The following MSH3 variants were observed in gnomAD, a reference collection of about 807,000 sequenced individuals.
The protein encoded by MSH3 is DNA mismatch repair protein Msh3.
Under a neutral mutation model 123.3 loss-of-function variants are expected in MSH3, and 106 were observed. That is an observed-to-expected ratio of 0.86 (90% confidence interval 0.73 to 1.01). MSH3 has a LOEUF of 1.01. MSH3 is among the 50% of genes least tolerant of loss of function. The probability of loss-of-function intolerance (pLI) is 0.00; values close to 1 mark genes in which losing one functional copy is unlikely to be tolerated. For synonymous variants in MSH3, 515 were observed against 481.4 expected (o/e 1.07, Z -0.91); for missense variants, 1,459 against 1,347.6 (o/e 1.08, Z -1.29).
intron 8 of MSH3, among the ~76,000 whole-genome samples, chr5:80,683,078 G>A (rs776232946): frequency 3.4e-4 from 52 of 152,248 alleles, no homozygotes; most frequent in Admixed American, 1.2e-3. Flanking sequence ...TTGTATATAT[G>A]TACTACATTT....
intron 17 of MSH3, among the ~76,000 whole-genome samples, chr5:80,780,673 C>G (rs1175960197): frequency 6.6e-6 from 1 of 152,170 alleles, no homozygotes; most frequent in Non-Finnish European, 1.5e-5. Flanking sequence ...TCAAGACCAG[C>G]CTGGCCAAGA....
intron 10 of MSH3, among the ~76,000 whole-genome samples, chr5:80,729,460 GTATA>G (rs376372477): frequency 3.3e-4 from 31 of 95,006 alleles, no homozygotes; most frequent in South Asian, 1.2e-3. Flanking sequence ...GTGTGTGTGT[GTATA>G]TATATATATA....
intron 22 of MSH3, among the ~76,000 whole-genome samples, chr5:80,865,207 G>A (rs1389059675): frequency 6.6e-6 from 1 of 152,050 alleles, no homozygotes; most frequent in Non-Finnish European, 1.5e-5. Flanking sequence ...TAGGGTGTGG[G>A]TGGAGGGGGC....
chr5:80,764,668 T>C (rs1744095491), intron 13 of MSH3, among the ~76,000 whole-genome samples: 1 of 152,116 alleles, frequency 6.6e-6, no homozygotes, highest in Non-Finnish European at 1.5e-5. Flanking sequence ...TAGCCTAAAA[T>C]AAACATTTCT....
chr5:80,762,765 A>AATT (rs1338556150), intron 13 of MSH3, among the ~76,000 whole-genome samples: 347 of 140,926 alleles, frequency 2.5e-3, no homozygotes, highest in African/African-American at 8.4e-3. Flanking sequence ...GTTTTATTTT[A>AATT]TTTTATTTTA....
intron 13 of MSH3, among the ~76,000 whole-genome samples, chr5:80,767,581 T>C (rs1054250251): frequency 6.6e-6 from 1 of 152,180 alleles, no homozygotes; most frequent in Non-Finnish European, 1.5e-5. Context: ...GAGCCTATTA[T>C]GTTTGGGAGA....
chr5:80,729,430 A>AGTGTG lies in MSH3; in HGVS notation c.1568+465_1568+466insGTGTG, dbSNP rs1491210653. Among the ~76,000 whole-genome samples the AGTGTG allele has an allele frequency of 6.4e-5, 5 of 78,374 alleles. 1 individual carries two copies. Among genetic ancestry groups the AGTGTG allele is most frequent in the Non-Finnish European group, 9.3e-5 (4 of 43,022 alleles). 51.4% of individuals were successfully genotyped at this position (78,374 alleles called of 152,430 possible). ...CTCCGTCCCAAAAAAAAAAAAAAAA[A>AGTGTG]TGTGTGTGTGTGTGTGTGTGTGTGT... is the stretch of plus-strand genomic sequence containing the variant. On this transcript the variant is annotated intron_variant, in intron 10 of 23. Coordinates refer to ENST00000265081, the MANE Select transcript of MSH3 (RefSeq NM_002439.5).
intron 12 of MSH3, among the ~76,000 whole-genome samples, chr5:80,759,281 G>A (rs758697124): frequency 1.3e-5 from 2 of 152,126 alleles, no homozygotes; most frequent in Admixed American, 6.5e-5. Flanking sequence ...GGGAAAAGAC[G>A]GTAGTATGGG....
At chr5:80,744,467 T>C in intron 11 of MSH3, 39 bp from the exon 12 acceptor site, 1 of 1,406,586 alleles carries the variant, frequency 7.1e-7, no homozygotes, top group Non-Finnish European at 1.0e-6. Context: ...GCACAAATAA[T>C]TGTCTAGTTA....
At chr5:80,831,229 A>G (rs1158284735) in intron 20 of MSH3, among the ~76,000 whole-genome samples, 2 of 152,250 alleles carry the variant, frequency 1.3e-5, no homozygotes, top group Non-Finnish European at 2.9e-5. Context: ...GAATGATACG[A>G]TATAATTCTT....
chr5:80,798,723 C>T (rs555383564), intron 19 of MSH3, among the ~76,000 whole-genome samples: 206 of 152,300 alleles, frequency 1.4e-3, no homozygotes, highest in African/African-American at 4.7e-3. Flanking sequence ...CTCCTCTCTC[C>T]TGCTTCTGAA....
intron 22 of MSH3, among the ~76,000 whole-genome samples, chr5:80,866,265 G>A (rs1315467618): frequency 6.6e-6 from 1 of 151,940 alleles, no homozygotes; most frequent in African/African-American, 2.4e-5. Flanking sequence ...CAGCCTCCCC[G>A]GTAGCTGGGA....
chr5:80,800,789 A>G (rs1339209617), intron 19 of MSH3, among the ~76,000 whole-genome samples: 1 of 152,248 alleles, frequency 6.6e-6, no homozygotes, highest in Non-Finnish European at 1.5e-5. Context: ...GAACTAGAAG[A>G]CACAATTCCT....
At chr5:80,754,830 T>G (rs1561467039) in intron 12 of MSH3, among the ~76,000 whole-genome samples, 1 of 152,216 alleles carries the variant, frequency 6.6e-6, no homozygotes, top group Non-Finnish European at 1.5e-5. Context: ...TATTAATGGT[T>G]GTATTTCTAA....
intron 19 of MSH3, among the ~76,000 whole-genome samples, chr5:80,811,549 A>C (rs1043397249): frequency 2.0e-5 from 3 of 152,166 alleles, no homozygotes; most frequent in African/African-American, 7.2e-5. Flanking sequence ...GTTTGATAAG[A>C]TATCCAAATC....
At chr5:80,794,871 T>TCTGAACC (rs1344870970) in intron 19 of MSH3, among the ~76,000 whole-genome samples, 4 of 152,144 alleles carry the variant, frequency 2.6e-5, no homozygotes, top group African/African-American at 7.2e-5. Flanking sequence ...AAGAAGAGCT[T>TCTGAACC]CTGAACCCTG....
At chr5:80,783,030 C>A (rs1744437476) in intron 17 of MSH3, among the ~76,000 whole-genome samples, 2 of 152,090 alleles carry the variant, frequency 1.3e-5, no homozygotes, top group Admixed American at 1.3e-4. Flanking sequence ...TTCTCAATTG[C>A]AAATTATTTA....
intron 8 of MSH3, among the ~76,000 whole-genome samples, chr5:80,724,413 A>G (rs528584391): frequency 1.8e-4 from 28 of 152,142 alleles, no homozygotes; most frequent in Non-Finnish European, 3.8e-4. Context: ...ATGCTTGTGT[A>G]TGACCAAAAT....
At chr5:80,817,718 G>A (rs1745130437) in intron 20 of MSH3, among the ~76,000 whole-genome samples, 1 of 152,088 alleles carries the variant, frequency 6.6e-6, no homozygotes, top group Admixed American at 6.5e-5. Flanking sequence ...TAACGGGGAA[G>A]TTTCTCTTTA....
Sources: gnomAD v4.1 joint callset for allele counts (sites outside exome capture counted in the v4.1 genomes callset) on GRCh38, gnomAD v4.1.1 for gene constraint, MANE v1.5 for transcripts, NCBI Gene and HGNC (gene_info 2026-07-23, HGNC 2026-07-21) for gene names.